The following CELF2 variants were observed in gnomAD, a reference collection of about 807,000 sequenced individuals.
The protein encoded by CELF2 is CUG triplet repeat RNA-binding protein 2.
In CELF2, 8 loss-of-function variants were observed where a neutral mutation model predicts 62.6. The ratio of observed to expected loss-of-function variants is 0.13; its 90% CI spans 0.07 to 0.23. The LOEUF (loss-of-function observed/expected upper bound fraction) is 0.23. Among genes scored for constraint, CELF2 ranks in the 10% least tolerant of loss-of-function variants. The probability of loss-of-function intolerance (pLI) is 1.00; values close to 1 mark genes in which losing one functional copy is unlikely to be tolerated. For missense variants in CELF2, 333 were observed against 671.0 expected (o/e 0.50, Z 5.56); for synonymous variants, 258 against 250.0 (o/e 1.03, Z -0.30).
intron 2 of CELF2, among the ~76,000 whole-genome samples, chr10:10,933,835 G>A (rs1296158507): frequency 6.6e-6 from 1 of 152,114 alleles, no homozygotes; most frequent in Non-Finnish European, 1.5e-5. Flanking sequence ...TTCTTTATCT[G>A]TTCATCTGTG....
chr10:10,778,195 G>C, the CELF2 span, among the ~76,000 whole-genome samples: 2 of 152,156 alleles, frequency 1.3e-5, no homozygotes, highest in Non-Finnish European at 2.9e-5. Flanking sequence ...AGTGAAGGTG[G>C]GGAAGATTTG....
At chr10:11,013,325 GA>G (rs1433097353), upstream of CELF2, among the ~76,000 whole-genome samples, 1 of 152,212 alleles carries the variant, frequency 6.6e-6, no homozygotes, top group East Asian at 1.9e-4. This position sits in a 1 kb window ranked among gnomAD's most constrained non-coding sequence, Gnocchi z 4.1. Flanking sequence ...GGAGAAAGGA[GA>G]AAAAGGAAAG....
intron 1 of CELF2, among the ~76,000 whole-genome samples, chr10:10,801,026 C>T (rs1201083417): frequency 6.6e-6 from 1 of 151,878 alleles, no homozygotes; most frequent in African/African-American, 2.4e-5. Context: ...AAACATGTAT[C>T]GCCCCCAAAG....
At chr10:10,509,196 G>A in the CELF2 span, among the ~76,000 whole-genome samples, 3 of 152,178 alleles carry the variant, frequency 2.0e-5, no homozygotes, top group African/African-American at 7.2e-5. Flanking sequence ...TAATGTGGAT[G>A]TAAAGAGTTG....
chr10:10,717,572 G>C, the CELF2 span, among the ~76,000 whole-genome samples: 1 of 152,084 alleles, frequency 6.6e-6, no homozygotes, highest in African/African-American at 2.4e-5. Context: ...GTTTAAAATG[G>C]TTAACCTCAT....
intron 2 of CELF2, among the ~76,000 whole-genome samples, chr10:10,989,875 A>T (rs1161644299): frequency 6.6e-6 from 1 of 152,160 alleles, no homozygotes; most frequent in Non-Finnish European, 1.5e-5. Flanking sequence ...TGGGAGAAAT[A>T]TTTATCTTCA....
At chr10:10,573,603 A>C in the CELF2 span, among the ~76,000 whole-genome samples, 4 of 152,192 alleles carry the variant, frequency 2.6e-5, no homozygotes, top group Non-Finnish European at 5.9e-5. Flanking sequence ...TCTTGTGAGC[A>C]CATGTACTTA....
rs1420679256 is a variant in CELF2 at position 11,120,768 on chromosome 10, T to C, written c.75-44718T>C. ...CAACCCATCCATGCTGTGGCTGGTT[T>C]GGGCCCTTGATTTCATAGATTACTA... On this transcript the variant is annotated intron_variant, in intron 1 of 12. Transcript: ENST00000633077. Among the ~76,000 whole-genome samples, 3 of 152,182 alleles carry C rather than the reference T, an allele frequency of 2.0e-5. No homozygotes were observed. In the East Asian group the frequency reaches 5.8e-4, roughly 29 times the overall value.
At chr10:10,880,845 T>G (rs1162328440) in intron 1 of CELF2, among the ~76,000 whole-genome samples, 1 of 152,224 alleles carries the variant, frequency 6.6e-6, no homozygotes, top group Non-Finnish European at 1.5e-5. Context: ...ATTCTTTGTC[T>G]TATTTTCTGC....
At chr10:11,182,637 T>C (rs2073786608) in intron 2 of CELF2, among the ~76,000 whole-genome samples, 2 of 152,010 alleles carry the variant, frequency 1.3e-5, no homozygotes, top group Admixed American at 1.3e-4. Context: ...AAAATGAGAG[T>C]GGAAGTTCCA....
chr10:11,031,304 T>C (rs2060075276), intron 1 of CELF2, among the ~76,000 whole-genome samples: 1 of 152,148 alleles, frequency 6.6e-6, no homozygotes, highest in African/African-American at 2.4e-5. Context: ...AGGATATCAG[T>C]GGAGTTTCAA....
chr10:10,713,288 G>A, the CELF2 span, among the ~76,000 whole-genome samples: 23 of 152,176 alleles, frequency 1.5e-4, 1 homozygote, highest in Middle Eastern at 3.4e-3. Flanking sequence ...TTTTATGTAC[G>A]CATTGCTTGT....
the CELF2 span, among the ~76,000 whole-genome samples, chr10:10,692,374 G>A: frequency 1.1e-4 from 17 of 151,230 alleles, no homozygotes; most frequent in Admixed American, 1.1e-3. Context: ...CTATATCTCT[G>A]TTTTGGTACC....
At chr10:11,082,682 G>A (rs969478275) in intron 1 of CELF2, among the ~76,000 whole-genome samples, 8 of 152,210 alleles carry the variant, frequency 5.3e-5, no homozygotes, top group African/African-American at 1.4e-4. Flanking sequence ...TGGAGTCAGT[G>A]TTTCACATTT....
chr10:11,202,044 T>C (rs2059338070), intron 2 of CELF2, among the ~76,000 whole-genome samples: 2 of 152,184 alleles, frequency 1.3e-5, no homozygotes, highest in African/African-American at 4.8e-5. Flanking sequence ...GACTGTACCA[T>C]GTAACACTAA....
chr10:10,518,191 T>C, the CELF2 span, among the ~76,000 whole-genome samples: 423 of 152,340 alleles, frequency 2.8e-3, no homozygotes, highest in South Asian at 9.8e-3. Flanking sequence ...ACTGTGGATG[T>C]TGGCTCTTGC....
the CELF2 span, among the ~76,000 whole-genome samples, chr10:10,553,715 T>C: frequency 6.6e-6 from 1 of 152,044 alleles, no homozygotes; most frequent in Non-Finnish European, 1.5e-5. Context: ...TGAGCTGAAG[T>C]CATCTGTGAA....
the CELF2 span, among the ~76,000 whole-genome samples, chr10:10,531,400 G>A: frequency 6.6e-6 from 1 of 152,170 alleles, no homozygotes; most frequent in Admixed American, 6.5e-5. Flanking sequence ...AGGTCTTGTA[G>A]TATCCTTATG....
the CELF2 span, among the ~76,000 whole-genome samples, chr10:10,676,053 A>C: frequency 0.014 from 2,085 of 152,232 alleles, 25 homozygotes; most frequent in Non-Finnish European, 0.022. Flanking sequence ...TGGGAAGAGG[A>C]ACTGCTGGTG....
Sources: allele counts gnomAD v4.1 joint callset (sites outside exome capture counted in the v4.1 genomes callset), GRCh38; gene constraint gnomAD v4.1.1; non-coding constraint Gnocchi (gnomAD v3.1); transcripts MANE v1.5; gene names NCBI Gene and HGNC (gene_info 2026-07-23, HGNC 2026-07-21).